Variants in CNBD1 observed in about 807,000 individuals in gnomAD.
CNBD1 encodes the protein cyclic nucleotide binding domain containing 1.
In CNBD1, 71 loss-of-function variants were observed where a neutral mutation model predicts 54.4. The observed-to-expected ratio is 1.30, with a 90% CI of 1.08 to 1.59. The LOEUF is 1.59. CNBD1 is among the 40% of genes most tolerant of loss of function. The pLI is 0.00. For missense variants in CNBD1, 659 were observed against 518.0 expected, an observed-to-expected ratio of 1.27 and a Z score of -2.64; for synonymous variants, 182 against 170.7, an observed-to-expected ratio of 1.07 and a Z score of -0.51.
At chr8:87,237,288 A>T (rs1807604226) in intron 6 of CNBD1, 176 bp downstream of exon 6, 2 of 421,530 alleles carry the variant, frequency 4.7e-6, no homozygotes, top group South Asian at 1.3e-4. Context: ...AACATTTTTG[A>T]TAAAGGATGC....
intron 8 of CNBD1, among the ~76,000 whole-genome samples, chr8:87,301,853 T>C (rs1809003659): frequency 6.6e-6 from 1 of 152,018 alleles, no homozygotes; most frequent in Non-Finnish European, 1.5e-5. Flanking sequence ...GAGAATAATA[T>C]AAACACCTCT....
intron 6 of CNBD1, among the ~76,000 whole-genome samples, chr8:87,253,343 G>A (rs190859546): frequency 6.6e-6 from 1 of 152,198 alleles, no homozygotes; most frequent in East Asian, 1.9e-4. Flanking sequence ...AGATCATAGT[G>A]TTTCTTCCCT....
At chr8:86,868,700 G>A (rs760208511) in intron 1 of CNBD1, among the ~76,000 whole-genome samples, 19 of 152,154 alleles carry the variant, frequency 1.2e-4, no homozygotes, top group African/African-American at 3.9e-4. Context: ...CATTTAGCAC[G>A]TTATGTTATT....
At chr8:86,900,387 C>A (rs6987524) in intron 2 of CNBD1, among the ~76,000 whole-genome samples, 140,633 of 152,222 alleles carry the variant, frequency 0.92, 65,017 homozygotes, top group East Asian at 1. Flanking sequence ...CAGTCTTAAT[C>A]GCATTTAACA....
intron 4 of CNBD1, among the ~76,000 whole-genome samples, chr8:87,121,886 G>A (rs954946233): frequency 4.0e-5 from 6 of 150,672 alleles, no homozygotes; most frequent in Admixed American, 1.3e-4. Context: ...TTGTGTGTGT[G>A]TATATATATA....
chr8:87,371,956 C>T (rs921354233), intron 10 of CNBD1, among the ~76,000 whole-genome samples: 2 of 151,868 alleles, frequency 1.3e-5, no homozygotes, highest in Non-Finnish European at 2.9e-5. Flanking sequence ...CTCACCACTC[C>T]TATTCAACAT....
chr8:86,960,406 C>T (rs1029615932), intron 4 of CNBD1, among the ~76,000 whole-genome samples: 2 of 152,146 alleles, frequency 1.3e-5, no homozygotes, highest in Admixed American at 6.5e-5. Flanking sequence ...AGTCTGAGAT[C>T]GAACTGCAAG....
At chr8:87,075,068 T>C (rs1319646579) in intron 4 of CNBD1, among the ~76,000 whole-genome samples, 3 of 152,200 alleles carry the variant, frequency 2.0e-5, no homozygotes, top group Non-Finnish European at 2.9e-5. Context: ...CTTAGGCATA[T>C]TATGAATATT....
intron 2 of CNBD1, among the ~76,000 whole-genome samples, chr8:87,428,108 C>G (rs546919618): frequency 6.7e-6 from 1 of 148,896 alleles, no homozygotes. Flanking sequence ...ATGCCTATAT[C>G]TTAGGAGCAT....
At chr8:87,150,478 G>C (rs1812581525) in intron 4 of CNBD1, among the ~76,000 whole-genome samples, 1 of 152,116 alleles carries the variant, frequency 6.6e-6, no homozygotes. Context: ...TCTCAAGAAA[G>C]AGAACTAAAT....
chr8:87,001,496 T>A (rs1424694266), intron 4 of CNBD1, among the ~76,000 whole-genome samples: 3 of 152,216 alleles, frequency 2.0e-5, no homozygotes, highest in African/African-American at 4.8e-5. Context: ...TGTGCTCTAA[T>A]GGAGCCTATG....
chr8:87,029,017 G>A (rs1432012247), intron 4 of CNBD1, among the ~76,000 whole-genome samples: 1 of 152,116 alleles, frequency 6.6e-6, no homozygotes, highest in African/African-American at 2.4e-5. Flanking sequence ...GCTTTGGATT[G>A]ACACATTTAA....
chr8:87,178,472 G>A (rs1256831409), intron 4 of CNBD1, among the ~76,000 whole-genome samples: 1 of 152,132 alleles, frequency 6.6e-6, no homozygotes, highest in East Asian at 1.9e-4. Flanking sequence ...TGAGAGGGAT[G>A]GAAAGAAGGC....
chr8:87,159,372 A>C, intron 4 of CNBD1, among the ~76,000 whole-genome samples: 2 of 152,140 alleles, frequency 1.3e-5, no homozygotes, highest in East Asian at 1.9e-4. Context: ...GGGCTGATTC[A>C]GATATTCTTC....
chr8:87,240,485 G>C (rs1459966317), intron 6 of CNBD1, among the ~76,000 whole-genome samples: 1 of 152,074 alleles, frequency 6.6e-6, no homozygotes, highest in East Asian at 1.9e-4. Flanking sequence ...CAGATCCTAG[G>C]TATTAATGAA....
At chr8:87,077,750 T>A (rs1044539980) in intron 4 of CNBD1, among the ~76,000 whole-genome samples, 1 of 151,956 alleles carries the variant, frequency 6.6e-6, no homozygotes, top group Admixed American at 6.6e-5. Context: ...CATGAACTCA[T>A]CCTTTTTTAT....
chr8:86,955,791 A>ATT (rs1222529481), intron 4 of CNBD1, among the ~76,000 whole-genome samples: 6 of 152,118 alleles, frequency 3.9e-5, no homozygotes, highest in African/African-American at 1.4e-4. Context: ...GCCTGTTCGC[A>ATT]CTGATGGTAG....
At chr8:87,376,690 TATTTC>T (rs1400613534) in intron 10 of CNBD1, among the ~76,000 whole-genome samples, 2 of 152,018 alleles carry the variant, frequency 1.3e-5, no homozygotes, top group African/African-American at 2.4e-5. Flanking sequence ...TTTTCTGCAT[TATTTC>T]ATTTCATCTT....
chr8:87,050,834 A>G (rs1312832655), intron 4 of CNBD1, among the ~76,000 whole-genome samples: 4 of 152,176 alleles, frequency 2.6e-5, no homozygotes, highest in African/African-American at 9.7e-5. Context: ...TGCAGGGCCT[A>G]AGGAGGCCTT....
Sources: allele counts gnomAD v4.1 joint callset (sites outside exome capture counted in the v4.1 genomes callset), GRCh38; gene constraint gnomAD v4.1.1; transcripts MANE v1.5; gene names NCBI Gene and HGNC (gene_info 2026-07-23, HGNC 2026-07-21).